The following NALF1 variants were observed in gnomAD, a reference collection of about 807,000 sequenced individuals.
NALF1 encodes the protein NALCN channel auxiliary factor 1.
NALF1 carries 3 observed loss-of-function variants against 48.4 expected under a neutral mutation model. That is an observed-to-expected ratio of 0.06 (90% CI 0.03 to 0.16). NALF1 has a LOEUF of 0.16. NALF1 is among the 10% of genes least tolerant of loss of function. The pLI is 1.00. For synonymous variants in NALF1, 262 were observed against 245.7 expected (o/e 1.07, Z -0.62); for missense variants, 526 against 571.5 (o/e 0.92, Z 0.81).
intron 1 of NALF1, among the ~76,000 whole-genome samples, chr13:107,672,385 T>G (rs1881012499): frequency 6.6e-6 from 1 of 152,210 alleles, no homozygotes; most frequent in African/African-American, 2.4e-5. Context: ...TCAGGTCTTA[T>G]CCACAGAGTC....
chr13:107,385,341 T>G (rs1055200353), intron 1 of NALF1, among the ~76,000 whole-genome samples: 1 of 151,884 alleles, frequency 6.6e-6, no homozygotes, highest in Non-Finnish European at 1.5e-5. Context: ...TCACTTGAGG[T>G]CAGGAGTTCA....
chr13:107,435,031 A>G (rs1159922651), intron 1 of NALF1, among the ~76,000 whole-genome samples: 1 of 151,988 alleles, frequency 6.6e-6, no homozygotes, highest in Non-Finnish European at 1.5e-5. Flanking sequence ...GTATGTTTAA[A>G]AGATGCTTGT....
intron 1 of NALF1, among the ~76,000 whole-genome samples, chr13:107,694,327 T>G (rs1008895409): frequency 1.3e-5 from 2 of 152,008 alleles, no homozygotes; most frequent in Admixed American, 6.5e-5. Flanking sequence ...TTTTTTTGCC[T>G]CTCTCCATTG....
At chr13:107,818,930 G>A (rs1259915233) in intron 1 of NALF1, among the ~76,000 whole-genome samples, 2 of 150,554 alleles carry the variant, frequency 1.3e-5, no homozygotes, top group Non-Finnish European at 2.9e-5. Flanking sequence ...TCCAGTGTGA[G>A]GGTGAAAAGA....
chr13:107,763,212 CAA>C (rs1877316438), intron 1 of NALF1, among the ~76,000 whole-genome samples: 1 of 151,294 alleles, frequency 6.6e-6, no homozygotes, highest in African/African-American at 2.4e-5. Context: ...AATATCCCCG[CAA>C]GTAAAGGATA....
intron 1 of NALF1, among the ~76,000 whole-genome samples, chr13:107,692,102 T>A (rs1358831922): frequency 1.3e-5 from 2 of 152,156 alleles, no homozygotes; most frequent in Non-Finnish European, 2.9e-5. Flanking sequence ...TTACTTACAT[T>A]AAGAAGAGAT....
intron 1 of NALF1, among the ~76,000 whole-genome samples, chr13:107,579,560 C>T: frequency 6.9e-6 from 1 of 145,676 alleles, no homozygotes; most frequent in African/African-American, 2.6e-5. Flanking sequence ...TCTTTCCTGC[C>T]TTCCTTTCAC....
At chr13:107,621,459 T>C (rs1402747437) in intron 1 of NALF1, among the ~76,000 whole-genome samples, 4 of 152,106 alleles carry the variant, frequency 2.6e-5, no homozygotes, top group East Asian at 1.9e-4. Flanking sequence ...GACATAAAAT[T>C]ATAAAGAACT....
At chr13:107,361,805 C>T (rs1038840047) in intron 1 of NALF1, among the ~76,000 whole-genome samples, 1 of 152,142 alleles carries the variant, frequency 6.6e-6, no homozygotes, top group Non-Finnish European at 1.5e-5. Flanking sequence ...GCTGGTGATC[C>T]CCAACATGGT....
chr13:107,744,203 G>A (rs1181464631), intron 1 of NALF1, among the ~76,000 whole-genome samples: 1 of 152,174 alleles, frequency 6.6e-6, no homozygotes, highest in Non-Finnish European at 1.5e-5. Flanking sequence ...GTGAGATCTT[G>A]CAAGCTGTTT....
At chr13:107,575,719 T>C (rs1878120456) in intron 1 of NALF1, among the ~76,000 whole-genome samples, 1 of 152,178 alleles carries the variant, frequency 6.6e-6, no homozygotes, top group East Asian at 1.9e-4. Flanking sequence ...GCCATCAGTC[T>C]GTAGTGGGAG....
chr13:107,341,226 T>C (rs1015676261), intron 1 of NALF1, among the ~76,000 whole-genome samples: 2 of 152,100 alleles, frequency 1.3e-5, no homozygotes, highest in African/African-American at 4.8e-5. Flanking sequence ...CCTACTTTGA[T>C]AAAAGTAAGA....
chr13:107,386,904 A>C (rs1271697904), intron 1 of NALF1, among the ~76,000 whole-genome samples: 3 of 152,210 alleles, frequency 2.0e-5, no homozygotes, highest in Non-Finnish European at 1.5e-5. Flanking sequence ...ACATGTTGGA[A>C]AGAAACTACA....
chr13:107,772,793 A>G (rs1357669962), intron 1 of NALF1, among the ~76,000 whole-genome samples: 1 of 152,200 alleles, frequency 6.6e-6, no homozygotes, highest in East Asian at 1.9e-4. Context: ...TTCCTATGTG[A>G]GAGAAACACT....
chr13:107,478,954 T>C (rs1885213459), intron 1 of NALF1, among the ~76,000 whole-genome samples: 1 of 152,158 alleles, frequency 6.6e-6, no homozygotes, highest in African/African-American at 2.4e-5. Flanking sequence ...TCCATGAAAG[T>C]AACAGTTCAA....
intron 1 of NALF1, among the ~76,000 whole-genome samples, chr13:107,456,330 T>G (rs1884824599): frequency 6.6e-6 from 1 of 152,200 alleles, no homozygotes; most frequent in African/African-American, 2.4e-5. Context: ...CTACCTAGAT[T>G]TATGTGGCCC....
chr13:107,572,895 C>G (rs541355924), intron 1 of NALF1, among the ~76,000 whole-genome samples: 1 of 152,140 alleles, frequency 6.6e-6, no homozygotes, highest in Non-Finnish European at 1.5e-5. Context: ...TCAAAACATG[C>G]CAGTGACTTC....
intron 2 of NALF1, among the ~76,000 whole-genome samples, chr13:107,182,472 G>A (rs562825169): frequency 1.9e-4 from 29 of 152,064 alleles, no homozygotes; most frequent in African/African-American, 5.5e-4. Context: ...TGGGGTCTAC[G>A]TTGCCCAGGC....
At chr13:107,743,132 T>C (rs1292898257) in intron 1 of NALF1, among the ~76,000 whole-genome samples, 2 of 152,186 alleles carry the variant, frequency 1.3e-5, no homozygotes, top group Non-Finnish European at 2.9e-5. Flanking sequence ...AGCATGTCGA[T>C]ATCCCAACTT....
Sources: allele counts gnomAD v4.1 joint callset (sites outside exome capture counted in the v4.1 genomes callset), GRCh38; gene constraint gnomAD v4.1.1; transcripts MANE v1.5; gene names NCBI Gene and HGNC (gene_info 2026-07-23, HGNC 2026-07-21).